Variants in SYCP1 observed in about 807,000 individuals in gnomAD.
SYCP1 encodes the protein synaptonemal complex protein 1.
In SYCP1, 64 loss-of-function variants were observed where a neutral mutation model predicts 153.1. The observed-to-expected ratio is 0.42, with a 90% CI of 0.34 to 0.51. SYCP1 has a LOEUF of 0.51. Ranked by LOEUF, SYCP1 falls within the 20% of genes least tolerant of loss-of-function variation. SYCP1 has a pLI of 0.06. For synonymous variants in SYCP1, 384 were observed against 341.8 expected, an observed-to-expected ratio of 1.12 and a Z score of -1.36; for missense variants, 997 against 1,049.0, an observed-to-expected ratio of 0.95 and a Z score of 0.68.
intron 15 of SYCP1, among the ~76,000 whole-genome samples, chr1:114,892,001 G>A (rs970123302): frequency 1.3e-5 from 2 of 152,162 alleles, no homozygotes; most frequent in Admixed American, 1.3e-4. Flanking sequence ...GGGCCAGTCC[G>A]CAGGCCTACA....
chr1:114,955,903 A>C (rs1343405407), intron 27 of SYCP1, among the ~76,000 whole-genome samples: 1 of 152,214 alleles, frequency 6.6e-6, no homozygotes, highest in African/African-American at 2.4e-5. Flanking sequence ...CTGAGCTTGC[A>C]ATCAAAACCA....
In SYCP1 at chr1:114,966,310, A is replaced by AT. The variant is rs1370627065; in HGVS notation, c.2323-11240dup. The stretch of plus-strand genomic sequence containing the variant: ...AAAAAACCAGCTCCTAGATTCGTTG[A>AT]TTTTTTTGAAGGGTTTTTCATGTCT... On this transcript the variant is annotated intron_variant, in intron 27 of 31. Coordinates refer to ENST00000369522, the MANE Select transcript of SYCP1 (RefSeq NM_003176.4). Among the ~76,000 whole-genome samples, 8 of 150,954 alleles carry AT rather than the reference A, an allele frequency of 5.3e-5. 1 individual carries two copies. Among genetic ancestry groups the AT allele is most frequent in the Admixed American group, 5.3e-4 (8 of 15,146 alleles).
chr1:114,873,181 A>G (rs1330721954), intron 8 of SYCP1, among the ~76,000 whole-genome samples: 1 of 151,980 alleles, frequency 6.6e-6, no homozygotes, highest in African/African-American at 2.4e-5. Context: ...GTCTTGTCAA[A>G]GTGTATTTTT....
chr1:114,963,714 T>C (rs545088314), intron 27 of SYCP1, among the ~76,000 whole-genome samples: 5 of 152,364 alleles, frequency 3.3e-5, no homozygotes, highest in Admixed American at 6.5e-5. Context: ...AATTCTTTTT[T>C]ATGGCTGCAT....
At chr1:114,937,627 A>C (rs917273863) in intron 23 of SYCP1, among the ~76,000 whole-genome samples, 2 of 152,184 alleles carry the variant, frequency 1.3e-5, no homozygotes, top group Admixed American at 6.5e-5. Flanking sequence ...AATGGGAGAA[A>C]ATTTTTACAA....
intron 27 of SYCP1, among the ~76,000 whole-genome samples, chr1:114,951,087 G>C (rs1411580529): frequency 6.6e-6 from 1 of 152,106 alleles, no homozygotes; most frequent in East Asian, 1.9e-4. Context: ...GCCCCCCAAA[G>C]TGCTGGGATT....
At chr1:114,911,972 A>T (rs1480396794) in intron 18 of SYCP1, among the ~76,000 whole-genome samples, 1 of 152,034 alleles carries the variant, frequency 6.6e-6, no homozygotes, top group African/African-American at 2.4e-5. Flanking sequence ...ATTGAATTGG[A>T]TGATTTTACC....
chr1:114,910,294 A>C (rs748141236), intron 16 of SYCP1, 103 bp from the exon 17 acceptor site: 3 of 696,392 alleles, frequency 4.3e-6, no homozygotes, highest in Non-Finnish European at 2.4e-6. Flanking sequence ...AATTTTAGCC[A>C]GGGGGAAGCT....
chr1:114,881,056 TACACACAC>T (rs67335338), intron 12 of SYCP1, among the ~76,000 whole-genome samples: 101 of 145,042 alleles, frequency 7.0e-4, no homozygotes, highest in East Asian at 3.4e-3. Flanking sequence ...TTTGTGTATA[TACACACAC>T]ACACACACAC....
At chr1:114,931,954 T>C (rs1293870273) in intron 23 of SYCP1, among the ~76,000 whole-genome samples, 2 of 152,006 alleles carry the variant, frequency 1.3e-5, no homozygotes, top group African/African-American at 2.4e-5. Context: ...AAAAATTCAA[T>C]GGAGAGAAAT....
chr1:114,974,155 T>C (rs1672666462), intron 27 of SYCP1, among the ~76,000 whole-genome samples: 1 of 151,914 alleles, frequency 6.6e-6, no homozygotes, highest in Non-Finnish European at 1.5e-5. Context: ...ACTAATAGGC[T>C]AGTTTTCCTG....
chr1:114,881,750 C>T (rs1168341625), intron 12 of SYCP1, among the ~76,000 whole-genome samples: 1 of 152,148 alleles, frequency 6.6e-6, no homozygotes, highest in Admixed American at 6.5e-5. Context: ...GATCCTCCTG[C>T]CTTGGCTTCC....
Position 114,947,314 on chromosome 1 carries a change from A to C in SYCP1, c.2316A>C (p.Glu772Asp), listed in dbSNP as rs760418800. 1.9e-6 allele frequency: 3 copies of C among 1,612,252 alleles called. No individual in the cohort carries two copies. In the African/African-American group the frequency reaches 4.0e-5, roughly 22 times the overall value. ...SVKKQLEIER[E>D]EKEKLKREAK... ...AGAAGCAACTTGAAATAGAAAGAGAAGAGAAGGTAGGTTTTTTGGCATTAT... is the reference window on the plus strand; with the variant it reads ...AGAAGCAACTTGAAATAGAAAGAGACGAGAAGGTAGGTTTTTTGGCATTAT... Residue 772 changes from glutamate (E) to aspartate (D), a missense_variant, in exon 27 of 32, where the codon GAA becomes GAC. Coordinates refer to ENST00000369522, the MANE Select transcript of SYCP1 (RefSeq NM_003176.4).
Position 114,876,780 on chromosome 1 carries a change from C to T in SYCP1, c.771C>T (p.Tyr257=). The change falls in exon 11 of 32, where the codon TAC becomes TAT. Residue 257 remains tyrosine, a synonymous_variant. Coordinates refer to ENST00000369522, the MANE Select transcript of SYCP1 (RefSeq NM_003176.4). Reference sequence around the variant, plus strand: ...AAATCCAACACCTTGAACAAGAATACAAGAAGGAAATAAATGACAAGGAAA... The same window carrying T: ...AAATCCAACACCTTGAACAAGAATATAAGAAGGAAATAAATGACAAGGAAA... The part of the protein sequence containing the change: ...YEKIQHLEQE[Y]KKEINDKEKQ... The T allele has an allele frequency of 7.2e-7, 1 of 1,393,112 alleles. No individual in the cohort carries two copies. Among genetic ancestry groups the T allele is most frequent in the Middle Eastern group, 1.9e-4 (1 of 5,158 alleles). The allele number at this position is 1,393,112 out of a possible 1,614,324, so 86.3% of individuals were successfully genotyped here.
chr1:114,956,211 G>A (rs1480777148), intron 27 of SYCP1, among the ~76,000 whole-genome samples: 1 of 152,116 alleles, frequency 6.6e-6, no homozygotes, highest in African/African-American at 2.4e-5. Flanking sequence ...AACAAGATGG[G>A]CTCTCCAGCC....
At chr1:114,929,233 G>T (rs1325650261) in intron 23 of SYCP1, among the ~76,000 whole-genome samples, 1 of 151,978 alleles carries the variant, frequency 6.6e-6, no homozygotes, top group Non-Finnish European at 1.5e-5. Flanking sequence ...GTCAGTAGAG[G>T]AATTGAAATG....
chr1:114,986,544 C>G (rs932206992), intron 30 of SYCP1, among the ~76,000 whole-genome samples: 1 of 151,984 alleles, frequency 6.6e-6, no homozygotes, highest in Non-Finnish European at 1.5e-5. Context: ...GAATTGCACA[C>G]AATTGTTCAA....
chr1:114,879,060 T>C (rs72694079), intron 12 of SYCP1, among the ~76,000 whole-genome samples: 9,259 of 152,270 alleles, frequency 0.061, 321 homozygotes, highest in Middle Eastern at 0.14. Context: ...GTAAACTGAC[T>C]GGTGTGGCAA....
chr1:114,889,297 GT>G (rs1666532980), intron 15 of SYCP1, among the ~76,000 whole-genome samples: 1 of 152,108 alleles, frequency 6.6e-6, no homozygotes, highest in African/African-American at 2.4e-5. Flanking sequence ...TTCCACAATG[GT>G]TGAACTAATT....
Sources: gnomAD v4.1 joint callset for allele counts (sites outside exome capture counted in the v4.1 genomes callset) on GRCh38, gnomAD v4.1.1 for gene constraint, MANE v1.5 for transcripts, NCBI Gene and HGNC (gene_info 2026-07-23, HGNC 2026-07-21) for gene names.